The following AGPS variants were observed in gnomAD, a reference collection of about 807,000 sequenced individuals.
AGPS encodes alkyldihydroxyacetonephosphate synthase, peroxisomal.
AGPS carries 26 observed loss-of-function variants against 90.7 expected under a neutral mutation model. The observed-to-expected ratio is 0.29, with a 90% confidence interval of 0.21 to 0.40. The LOEUF is 0.40. Ranked by LOEUF, AGPS falls within the 10% of genes least tolerant of loss-of-function variation. The probability of loss-of-function intolerance (pLI) is 1.00; values close to 1 mark genes in which losing one functional copy is unlikely to be tolerated. For synonymous variants in AGPS, 294 were observed against 285.3 expected (o/e 1.03, Z -0.31); for missense variants, 540 against 816.1 (o/e 0.66, Z 4.12).
intron 11 of AGPS, among the ~76,000 whole-genome samples, chr2:177,482,629 A>G (rs1687977007): frequency 6.6e-6 from 1 of 152,110 alleles, no homozygotes; most frequent in Non-Finnish European, 1.5e-5. Context: ...AAATTTAAAT[A>G]TAGGTAATTC....
At chr2:177,393,146 G>A (rs1250400741) in intron 1 of AGPS, 97 bp downstream of exon 1, 2 of 1,548,892 alleles carry the variant, frequency 1.3e-6, no homozygotes, top group African/African-American at 1.4e-5. Context: ...AGTGACACGG[G>A]TGGGCGGAAG....
At chr2:177,486,476 G>T (rs1471086553) in intron 11 of AGPS, among the ~76,000 whole-genome samples, 2 of 151,900 alleles carry the variant, frequency 1.3e-5, no homozygotes, top group African/African-American at 4.8e-5. Flanking sequence ...TGTTCAATTT[G>T]GGATTTGGAA....
chr2:177,533,225 G>C (rs1286376023), intron 19 of AGPS, among the ~76,000 whole-genome samples: 1 of 152,144 alleles, frequency 6.6e-6, no homozygotes, highest in Admixed American at 6.6e-5. Flanking sequence ...TTGAAGCAAT[G>C]TTGTAGTTAG....
intron 1 of AGPS, among the ~76,000 whole-genome samples, chr2:177,405,826 T>G (rs578157005): frequency 1.0e-3 from 96 of 95,334 alleles, no homozygotes; most frequent in Non-Finnish European, 1.7e-3. Context: ...CTGTAATAGC[T>G]TTTACCACTG....
In AGPS at chr2:177,499,739, T is replaced by C; in HGVS notation, c.1475+9T>C. 2 of 1,544,532 alleles carry C rather than the reference T, an allele frequency of 1.3e-6. No homozygotes were observed. Among genetic ancestry groups the C allele is most frequent in the South Asian group, 1.1e-5 (1 of 89,710 alleles). ...ATTGCTGCAAAATTTGGGTATGGCT[T>C]CAAGTTCATAATGCCAAGAGAAAGA... On this transcript the variant is annotated intron_variant, in intron 14 of 19. Coordinates refer to ENST00000264167, the MANE Select transcript of AGPS (RefSeq NM_003659.4).
chr2:177,441,084 AAAATATTTGTATTTT>A, intron 6 of AGPS, 48 bp downstream of exon 6: 1 of 1,412,534 alleles, frequency 7.1e-7, no homozygotes, highest in South Asian at 1.2e-5. Context: ...TGTTCTATTT[AAAATATTTGTATTTT>A]AAATATTTGC....
chr2:177,495,153 A>G (rs959493455), intron 12 of AGPS, among the ~76,000 whole-genome samples: 4 of 152,212 alleles, frequency 2.6e-5, no homozygotes, highest in Non-Finnish European at 4.4e-5. Flanking sequence ...GATGTCCTCT[A>G]TAAACCAAAG....
chr2:177,434,997 G>GGGTATATA (rs36151985), intron 3 of AGPS, among the ~76,000 whole-genome samples: 19,595 of 127,720 alleles, frequency 0.15, 1,858 homozygotes, highest in Middle Eastern at 0.21. Context: ...TAAACTGTAG[G>GGGTATATA]TATATATATA....
At chr2:177,424,415 A>G (rs957407093) in intron 2 of AGPS, among the ~76,000 whole-genome samples, 5 of 151,612 alleles carry the variant, frequency 3.3e-5, no homozygotes, top group East Asian at 1.9e-4. Flanking sequence ...TTGTGCTGCA[A>G]TGAACATATG....
At chr2:177,427,158 T>C (rs1252428101) in intron 2 of AGPS, among the ~76,000 whole-genome samples, 1 of 152,220 alleles carries the variant, frequency 6.6e-6, no homozygotes, top group Non-Finnish European at 1.5e-5. Context: ...GAGATGTTGA[T>C]AGTATTCTTT....
chr2:177,394,372 C>T lies in AGPS; in HGVS notation c.260+1323C>T, dbSNP rs146878618. Among the ~76,000 whole-genome samples, 4 of 152,220 alleles carry T rather than the reference C, an allele frequency of 2.6e-5. No homozygotes were observed. In the East Asian group the frequency reaches 7.7e-4, roughly 29 times the overall value. ...TGTCTGAGTAAATTTTGGATGTTTG[C>T]ATTACTAATAGTTTGCCAAAGGGGG... On this transcript the variant is annotated intron_variant, in intron 1 of 19. Transcript: ENST00000264167.
At chr2:177,469,084 A>G (rs530104036) in intron 10 of AGPS, among the ~76,000 whole-genome samples, 2 of 152,222 alleles carry the variant, frequency 1.3e-5, no homozygotes, top group South Asian at 4.1e-4. Context: ...AAAACATTTA[A>G]GTCCTGTGCA....
At chr2:177,420,762 C>A (rs1685920159) in intron 2 of AGPS, among the ~76,000 whole-genome samples, 1 of 151,750 alleles carries the variant, frequency 6.6e-6, no homozygotes, top group Non-Finnish European at 1.5e-5. Context: ...CACCCAATTC[C>A]CATGCCATTC....
chr2:177,538,441 G>A lies in AGPS; in HGVS notation c.*246G>A, dbSNP rs539333294. ...TCAGCGGTTGTCATTTCAAATTTTA[G>A]TCAGGCAGCACAAAGCTGTCAATTA... On this transcript the variant is annotated 3_prime_UTR_variant, in exon 20 of 20. Transcript: ENST00000264167. 12 of 494,362 alleles carry A rather than the reference G, an allele frequency of 2.4e-5. No individual in the cohort carries two copies. The highest frequency in any genetic ancestry group is 7.0e-5 in the Admixed American group (2 of 28,422). 30.6% of individuals were successfully genotyped at this position (494,362 alleles called of 1,614,324 possible).
intron 13 of AGPS, among the ~76,000 whole-genome samples, chr2:177,499,021 AC>A (rs1200298385): frequency 6.6e-6 from 1 of 151,910 alleles, no homozygotes; most frequent in Non-Finnish European, 1.5e-5. Flanking sequence ...ATTGGAATAA[AC>A]TAGTACATTA....
intron 2 of AGPS, among the ~76,000 whole-genome samples, chr2:177,422,859 A>T (rs578235557): frequency 3.3e-5 from 5 of 152,308 alleles, no homozygotes; most frequent in African/African-American, 1.2e-4. Context: ...TTTATCAGAA[A>T]ACATTTACAA....
intron 8 of AGPS, among the ~76,000 whole-genome samples, chr2:177,447,081 A>T (rs531104558): frequency 6.6e-6 from 1 of 152,296 alleles, no homozygotes; most frequent in East Asian, 1.9e-4. Context: ...TTTGTTAGTG[A>T]TGTACTGACC....
intron 5 of AGPS, among the ~76,000 whole-genome samples, chr2:177,439,609 A>C (rs912040557): frequency 4.6e-5 from 7 of 152,208 alleles, no homozygotes; most frequent in African/African-American, 1.7e-4. Context: ...ATGTTTTCTT[A>C]GCTTTACACA....
intron 8 of AGPS, among the ~76,000 whole-genome samples, chr2:177,457,184 T>C (rs1268557702): frequency 6.6e-6 from 1 of 152,206 alleles, no homozygotes; most frequent in Non-Finnish European, 1.5e-5. Flanking sequence ...CTGGGACACA[T>C]TTAAAGCAGT....
Sources: allele counts gnomAD v4.1 joint callset (sites outside exome capture counted in the v4.1 genomes callset), GRCh38; gene constraint gnomAD v4.1.1; transcripts MANE v1.5; gene names NCBI Gene and HGNC (gene_info 2026-07-23, HGNC 2026-07-21).